Variants in EFEMP2 observed in about 807,000 individuals in gnomAD.
EFEMP2 encodes EGF-like fibulin extracellular matrix protein 2, also known as EGF-containing fibulin-like extracellular matrix protein 2.
Under a neutral mutation model 55.3 loss-of-function variants are expected in EFEMP2, and 21 were observed. That is an observed-to-expected ratio of 0.38 (90% CI 0.27 to 0.55). The LOEUF (loss-of-function observed/expected upper bound fraction) is 0.55, where lower values mean the gene tolerates loss of function less well. Ranked by LOEUF, EFEMP2 falls within the 20% of genes least tolerant of loss-of-function variation. The probability of loss-of-function intolerance (pLI) is 0.77; values close to 1 mark genes in which losing one functional copy is unlikely to be tolerated. For synonymous variants in EFEMP2, 275 were observed against 242.3 expected, an observed-to-expected ratio of 1.14 and a Z score of -1.25; for missense variants, 513 against 615.1, an observed-to-expected ratio of 0.83 and a Z score of 1.76.
chr11:65,870,749 C>T, intron 4 of EFEMP2, 91 bp from the exon 5 acceptor site: 1 of 1,592,142 alleles, frequency 6.3e-7, no homozygotes, highest in South Asian at 1.1e-5. Context: ...GTTCTCTCAA[C>T]AGCACGCGTA....
chr11:65,867,991 T>C lies in EFEMP2; in HGVS notation c.1040A>G (p.Tyr347Cys), dbSNP rs1197139171. ...REQPSSIVHR[Y>C]MTITSERSVP... is the part of the protein sequence containing the mutation. ...GCTCCGCTCCGAGGTGATGGTCATG[T>C]AGCGGTGCACAATGGATGAAGGCTG... Residue 347 changes from tyrosine (Y) to cysteine (C), a missense_variant, in exon 10 of 11, where the codon TAC (tyrosine) becomes TGC (cysteine). By Grantham distance (194) the Tyr-to-Cys change is radical. Coordinates refer to ENST00000307998, the MANE Select transcript of EFEMP2 (RefSeq NM_016938.5). The C allele has an allele frequency of 6.2e-7, 1 of 1,614,068 alleles. No individual in the cohort carries two copies. The highest frequency in any genetic ancestry group is 1.7e-5 in the Admixed American group (1 of 60,032).
chr11:65,869,599 CTGA>C (rs1859927047), intron 7 of EFEMP2: 1 of 537,224 alleles, frequency 1.9e-6, no homozygotes, highest in South Asian at 2.0e-5. Context: ...GCAGGTGAGC[CTGA>C]TATGTGGGAC....
rs1483902861 is a variant in EFEMP2 at position 65,870,634 on chromosome 11, A to G, written c.392T>C (p.Leu131Pro). Residue 131 changes from leucine (L) to proline (P), a missense_variant, in exon 5 of 11, where the codon CTG becomes CCG. By Grantham distance (98) the Leu-to-Pro change is moderately conservative. Coordinates refer to ENST00000307998, the MANE Select transcript of EFEMP2 (RefSeq NM_016938.5). ...CVDVDECAQA[L>P]HDCRPSQDCH... ...GTCCTGGCTGGGGCGACAGTCGTGC[A>G]GGGCCTGGGCACACTCGTCCACATC... is the stretch of plus-strand genomic sequence containing the variant. 42 of 1,614,068 alleles carry G rather than the reference A, an allele frequency of 2.6e-5. No individual in the cohort carries two copies. Among genetic ancestry groups the G allele is most frequent in the Non-Finnish European group, 3.5e-5 (41 of 1,180,012 alleles).
chr11:65,867,041 C>T lies in EFEMP2; in HGVS notation c.1209G>A (p.Arg403=). 6.2e-7 allele frequency: 1 copy of T among 1,614,174 alleles called. No individual in the cohort carries two copies. Among genetic ancestry groups the T allele is most frequent in the Non-Finnish European group, 8.5e-7 (1 of 1,180,034 alleles). Residue 403 remains arginine (R), a synonymous_variant, in exon 11 of 11, where the codon CGG becomes CGA. Transcript: ENST00000307998. ...CGTACTCCCGGGGGCCCGTCACCGG[C>T]CGGGCGAGGACCAGCATGGCGCTGA... ...NNVSAMLVLA[R]PVTGPREYVL... is the part of the protein sequence containing the mutation.
At position 65,870,454 on chromosome 11, in the gene EFEMP2, C is replaced by T; in HGVS notation, c.490+82G>A. 3.1e-6 allele frequency: 5 copies of T among 1,597,842 alleles called. 1 individual carries two copies. The highest frequency in any genetic ancestry group is 1.8e-4 in the Middle Eastern group (1 of 5,672). ...GGCAGGGGCCGGGGGTGAAGCCTGG[C>T]TTGAATGGGGGTCAGGTGCTAGGGC... On this transcript the variant is annotated intron_variant, in intron 5 of 10. Coordinates refer to ENST00000307998, the MANE Select transcript of EFEMP2 (RefSeq NM_016938.5).
intron 4 of EFEMP2, 135 bp downstream of exon 4, chr11:65,871,022 T>G (rs1859955496): frequency 1.7e-6 from 2 of 1,154,668 alleles, no homozygotes; most frequent in South Asian, 2.6e-5. Flanking sequence ...CGGCAGGTCC[T>G]AAACAACATG....
intron 10 of EFEMP2, 141 bp from the exon 11 acceptor site, chr11:65,867,220 C>A: frequency 1.1e-6 from 1 of 919,290 alleles, no homozygotes; most frequent in Admixed American, 2.1e-5. Flanking sequence ...TCTCATGCAG[C>A]TCTTTGACAC....
rs1859880248 is a variant in EFEMP2 at position 65,867,714 on chromosome 11, C to T, written c.1170+147G>A. The T allele has an allele frequency of 2.5e-5, 20 of 813,732 alleles. No individual in the cohort carries two copies. In the East Asian group the frequency reaches 4.2e-4, roughly 17 times the overall value. 50.4% of individuals were successfully genotyped at this position (813,732 alleles called of 1,614,324 possible). A position where few individuals can be genotyped will look rare whatever the true frequency, so the allele number is the denominator to read the frequency against. ...AACCGTTAGAATTGCATTTAGAGTA[C>T]CCCCGTCTTCCTGCAGAAACCCCGC... On this transcript the variant is annotated intron_variant, in intron 10 of 10. Transcript: ENST00000307998.
intron 4 of EFEMP2, chr11:65,870,886 C>A: frequency 1.4e-6 from 1 of 718,208 alleles, no homozygotes; most frequent in Non-Finnish European, 2.4e-6. Context: ...GACTGTCCTT[C>A]CTCCAAGGCC....
At chr11:65,869,631 C>T (rs528764573) in intron 7 of EFEMP2, 1 of 612,664 alleles carries the variant, frequency 1.6e-6, no homozygotes, top group South Asian at 1.8e-5. Flanking sequence ...CCCACATCCT[C>T]AGTCTCACCA....
rs1288333574 is a variant in EFEMP2, at chr11:65,867,015, A to C, written c.1235T>G (p.Val412Gly). The change falls in exon 11 of 11, where the codon GTG becomes GGG. Residue 412 changes from valine (V) to glycine (G), a missense_variant. Coordinates refer to ENST00000307998, the MANE Select transcript of EFEMP2 (RefSeq NM_016938.5). ...CATGGTGACCATCTCCAGGTCCAGC[A>C]CGTACTCCCGGGGGCCCGTCACCGG... is the stretch of plus-strand genomic sequence containing the variant. The part of the protein sequence containing the change: ...ARPVTGPREY[V>G]LDLEMVTMNS... 1 of 1,614,048 alleles carries C rather than the reference A, an allele frequency of 6.2e-7. No individual in the cohort carries two copies. Among genetic ancestry groups the C allele is most frequent in the Non-Finnish European group, 8.5e-7 (1 of 1,180,038 alleles).
chr11:65,866,517 G>A lies in EFEMP2; in HGVS notation c.*401C>T, dbSNP rs1859842197. The A allele has an allele frequency of 1.4e-6, 1 of 702,684 alleles. No homozygotes were observed. Among genetic ancestry groups the A allele is most frequent in the South Asian group, 1.5e-5 (1 of 67,600 alleles). The allele number at this position is 702,684 out of a possible 1,614,324, so 43.5% of individuals were successfully genotyped here. A position where few individuals can be genotyped will look rare whatever the true frequency, so the allele number is the denominator to read the frequency against. ...GGGCTTATCCAAATGTACAGTTTGA[G>A]GCAGAGTTAGGAATGGAACCCAGGG... On this transcript the variant is annotated 3_prime_UTR_variant, in exon 11 of 11. Transcript: ENST00000307998.
Position 65,871,253 on chromosome 11 carries a change from G to C in EFEMP2, c.271C>G (p.Leu91Val), listed in dbSNP as rs774119399. 1.2e-6 allele frequency: 2 copies of C among 1,613,936 alleles called. No homozygotes were observed. Among genetic ancestry groups the C allele is most frequent in the South Asian group, 1.1e-5 (1 of 91,076 alleles). The change falls in exon 4 of 11, where the codon CTA (leucine) becomes GTA (valine). Residue 91 changes from leucine (L) to valine (V), a missense_variant. Leu to Val is a conservative substitution (Grantham distance 32). Transcript: ENST00000307998. ...LPRSAAVIND[L>V]HGEGPPPPVP... The stretch of plus-strand genomic sequence containing the variant: ...GGTGGCGGGGGTCCCTCGCCGTGTA[G>C]GTCGTTGATGACGGCAGCGGAGCGG...
chr11:65,869,977 CTGGGG>C lies in EFEMP2; in HGVS notation c.608-6_608-2del. On this transcript the variant is annotated splice_acceptor_variant and splice_polypyrimidine_tract_variant and intron_variant, in intron 6 of 10. Coordinates refer to ENST00000307998, the MANE Select transcript of EFEMP2 (RefSeq NM_016938.5). LOFTEE classifies it high-confidence loss of function. Reference sequence around the variant, plus strand: ...GCCCCCATGTCACACTCGTTCACATCTGGGGGTGCCAGGAAAAACAGGAGGGATGA... The same window carrying C: ...GCCCCCATGTCACACTCGTTCACATCGTGCCAGGAAAAACAGGAGGGATGA... 1 of 1,613,800 alleles carries C rather than the reference CTGGGG, an allele frequency of 6.2e-7. No individual in the cohort carries two copies. The highest frequency in any genetic ancestry group is 8.5e-7 in the Non-Finnish European group (1 of 1,179,928).
Position 65,866,640 on chromosome 11 carries a change from C to G in EFEMP2, c.*278G>C, listed in dbSNP as rs1297383053. The G allele has an allele frequency of 1.4e-6, 1 of 703,448 alleles. No homozygotes were observed. The highest frequency in any genetic ancestry group is 2.6e-6 in the Non-Finnish European group (1 of 385,440). The allele number at this position is 703,448 out of a possible 1,614,324, so 43.6% of individuals were successfully genotyped here. On this transcript the variant is annotated 3_prime_UTR_variant, in exon 11 of 11. Transcript: ENST00000307998. ...GGCCTGGAGTCCGCCCTCCTCGTTA[C>G]CTCCTCTCCTCTCGGGGTGACTGAA...
intron 7 of EFEMP2, 99 bp from the exon 8 acceptor site, chr11:65,868,728 A>AGTCT: frequency 4.6e-6 from 7 of 1,530,860 alleles, no homozygotes; most frequent in Non-Finnish European, 6.3e-6. Flanking sequence ...TGTTAGACTG[A>AGTCT]ATGTAGGAAG....
chr11:65,871,587 G>A (rs866635617), intron 3 of EFEMP2: 50 of 610,842 alleles, frequency 8.2e-5, no homozygotes, highest in South Asian at 1.6e-4. Flanking sequence ...CGGCCTGCAA[G>A]TGGGTCTCTA....
intron 3 of EFEMP2, chr11:65,871,761 G>A (rs1335996101): frequency 1.5e-6 from 1 of 646,328 alleles, no homozygotes; most frequent in Non-Finnish European, 2.7e-6. Context: ...GTAGGGACAA[G>A]GTTTCCTGGG....
rs1274496096 is a variant in EFEMP2 at position 65,871,953 on chromosome 11, C to T, written c.160+17G>A. 2.6e-6 allele frequency: 4 copies of T among 1,551,246 alleles called. No homozygotes were observed. Among genetic ancestry groups the T allele is most frequent in the Non-Finnish European group, 3.5e-6 (4 of 1,146,892 alleles). On this transcript the variant is annotated intron_variant, in intron 3 of 10. Transcript: ENST00000307998. ...TTCCGGGTTCCTGGGGGTGTTTGGT[C>T]CCCCAGGCACACACACCCCGGCAGT...
Sources: gnomAD v4.1 joint callset for allele counts on GRCh38, gnomAD v4.1.1 for gene constraint, MANE v1.5 for transcripts, NCBI Gene and HGNC (gene_info 2026-07-23, HGNC 2026-07-21) for gene names.